Variants in IL34 observed in about 807,000 individuals in gnomAD.
The protein encoded by IL34 is interleukin 34.
A neutral mutation model predicts 25.3 loss-of-function variants in IL34; 17 were observed. The observed-to-expected ratio is 0.67, with a 90% CI of 0.46 to 1.01. The LOEUF is 1.01. IL34 is among the 50% of genes least tolerant of loss of function. The pLI is 0.00. For missense variants in IL34, 368 were observed against 312.9 expected (o/e 1.18, Z -1.33); for synonymous variants, 174 against 140.9 (o/e 1.23, Z -1.66).
intron 1 of IL34, among the ~76,000 whole-genome samples, chr16:70,589,377 C>T (rs1365613932): frequency 6.6e-6 from 1 of 151,988 alleles, no homozygotes; most frequent in Non-Finnish European, 1.5e-5. Flanking sequence ...CTTTTCTGTT[C>T]CTCTCCCTCC....
upstream of IL34, among the ~76,000 whole-genome samples, chr16:70,645,609 C>T (rs957020863): frequency 5.3e-5 from 8 of 152,160 alleles, no homozygotes; most frequent in African/African-American, 1.9e-4. Context: ...GAGCAGCCAC[C>T]AGCCCACAGG....
intron 1 of IL34, among the ~76,000 whole-genome samples, chr16:70,592,383 C>T (rs2050766598): frequency 6.6e-6 from 1 of 152,150 alleles, no homozygotes; most frequent in Non-Finnish European, 1.5e-5. Flanking sequence ...CCTCCTCTCT[C>T]TGCCCATGAG....
At chr16:70,586,518 T>TG (rs1427310042) in intron 1 of IL34, among the ~76,000 whole-genome samples, 1 of 152,144 alleles carries the variant, frequency 6.6e-6, no homozygotes, top group Non-Finnish European at 1.5e-5. Flanking sequence ...TTCGCGCCAC[T>TG]GCACTCCAGC....
Position 70,656,668 on chromosome 16 carries a change from GT to G in IL34, c.230del (p.Val77AlafsTer9). The G allele has an allele frequency of 7.3e-7, 1 of 1,378,396 alleles. No homozygotes were observed. The highest frequency in any genetic ancestry group is 1.0e-6 in the Non-Finnish European group (1 of 964,730). 85.4% of individuals were successfully genotyped at this position (1,378,396 alleles called of 1,614,324 possible). On this transcript the variant is annotated frameshift_variant, in exon 3 of 6. Coordinates refer to ENST00000288098, the MANE Select transcript of IL34 (RefSeq NM_001393494.1). LOFTEE classifies it high-confidence loss of function. ...CGAGGGGGTGTTCAGAATCGCCAAC[GT>G]CACCAGGCTGGTGAGAATCCCTTCC... is the stretch of plus-strand genomic sequence containing the variant. ...PYEGVFRIANVTRLQRAQVSE... is the reference protein window; with the variant it reads ...PYEGVFRIANXTRLQRAQVSE...
chr16:70,625,713 C>T (rs535139544), intron 1 of IL34, among the ~76,000 whole-genome samples: 216 of 151,934 alleles, frequency 1.4e-3, no homozygotes, highest in South Asian at 3.7e-3. Flanking sequence ...TTGGGTCCAC[C>T]GATAAAACGT....
intron 1 of IL34, among the ~76,000 whole-genome samples, chr16:70,618,923 C>T (rs1023649153): frequency 3.3e-5 from 5 of 151,992 alleles, no homozygotes; most frequent in South Asian, 2.1e-4. Context: ...CTGGGATTAA[C>T]GGTGCAAAGG....
chr16:70,660,106 C>G lies in IL34; in HGVS notation c.648C>G (p.Pro216=). 2.5e-6 allele frequency: 4 copies of G among 1,613,480 alleles called. No homozygotes were observed. The highest frequency in any genetic ancestry group is 3.4e-6 in the Non-Finnish European group (4 of 1,179,832). The change falls in exon 6 of 6, where the codon CCC becomes CCG. Residue 216 remains proline (P), a synonymous_variant. Coordinates refer to ENST00000288098, the MANE Select transcript of IL34 (RefSeq NM_001393494.1). ...CGGCCACCCAGCTGTACCCTCCGCC[C>G]CCGTGGTCCCCCAGCTCCCCGCCTC... The part of the protein sequence containing the change: ...QYAATQLYPP[P]PWSPSSPPHS...
chr16:70,648,353 TGAAACCAGGCTGGGCAGCATAGCGA>T (rs1343237080), intron 1 of IL34, among the ~76,000 whole-genome samples: 1 of 151,854 alleles, frequency 6.6e-6, no homozygotes, highest in African/African-American at 2.4e-5. Context: ...GCCAGGAGTT[TGAAACCAGGCTGGGCAGCATAGCGA>T]GACTCCATCT....
chr16:70,641,549 C>A, intron 1 of IL34, among the ~76,000 whole-genome samples: 1 of 143,694 alleles, frequency 7.0e-6, no homozygotes, highest in Non-Finnish European at 1.5e-5. Context: ...TCCTTCCTTC[C>A]TTCCTGCCTT....
At chr16:70,633,694 C>G (rs773455774) in intron 1 of IL34, among the ~76,000 whole-genome samples, 2 of 152,106 alleles carry the variant, frequency 1.3e-5, no homozygotes, top group Non-Finnish European at 2.9e-5. Flanking sequence ...GCTAGAAATC[C>G]AAGATCAAGG....
intron 1 of IL34, among the ~76,000 whole-genome samples, chr16:70,651,873 C>T (rs1166986873): frequency 6.6e-6 from 1 of 152,048 alleles, no homozygotes; most frequent in Non-Finnish European, 1.5e-5. Flanking sequence ...TGCCTGTAAT[C>T]CCAGCACTTT....
At chr16:70,626,112 G>A (rs1392623925) in intron 1 of IL34, among the ~76,000 whole-genome samples, 1 of 152,216 alleles carries the variant, frequency 6.6e-6, no homozygotes, top group Non-Finnish European at 1.5e-5. Context: ...TCCAAAAAGA[G>A]AGTCAGCCTG....
At chr16:70,629,110 C>G (rs1463355555) in intron 1 of IL34, among the ~76,000 whole-genome samples, 2 of 152,148 alleles carry the variant, frequency 1.3e-5, no homozygotes, top group African/African-American at 2.4e-5. Flanking sequence ...TGTTGATTCT[C>G]TTGGATGTTC....
At chr16:70,604,532 G>A (rs1444903693) in intron 1 of IL34, among the ~76,000 whole-genome samples, 14 of 152,214 alleles carry the variant, frequency 9.2e-5, no homozygotes. Context: ...CCCATCCTCT[G>A]TCTGCCAACA....
intron 1 of IL34, among the ~76,000 whole-genome samples, chr16:70,584,328 G>C (rs530254234): frequency 6.6e-6 from 1 of 152,168 alleles, no homozygotes; most frequent in African/African-American, 2.4e-5. Context: ...GGACAGCTCC[G>C]TCTGTGCATC....
At position 70,656,688 on chromosome 16, in the gene IL34, C is replaced by T. The variant is rs776035506; in HGVS notation, c.240+9C>T. The T allele has an allele frequency of 7.9e-7, 1 of 1,269,374 alleles. No homozygotes were observed. The highest frequency in any genetic ancestry group is 1.9e-4 in the Middle Eastern group (1 of 5,384). 78.6% of individuals were successfully genotyped at this position (1,269,374 alleles called of 1,614,324 possible). ...CCAACGTCACCAGGCTGGTGAGAAT[C>T]CCTTCCTGGGCTGGGGGGACCCTGC... On this transcript the variant is annotated intron_variant, in intron 3 of 5. Coordinates refer to ENST00000288098, the MANE Select transcript of IL34 (RefSeq NM_001393494.1).
intron 1 of IL34, among the ~76,000 whole-genome samples, chr16:70,639,141 C>A (rs1271937691): frequency 6.6e-6 from 1 of 152,206 alleles, no homozygotes; most frequent in Non-Finnish European, 1.5e-5. Context: ...TGGCACTGAG[C>A]TTTCCAGATG....
chr16:70,620,698 C>T (rs1274843027), intron 1 of IL34, among the ~76,000 whole-genome samples: 1 of 150,030 alleles, frequency 6.7e-6, no homozygotes, highest in Non-Finnish European at 1.5e-5. Context: ...CTCAGACCTT[C>T]TGCGTATTTT....
At chr16:70,645,284 T>C (rs2051900047), upstream of IL34, among the ~76,000 whole-genome samples, 2 of 152,144 alleles carry the variant, frequency 1.3e-5, no homozygotes, top group African/African-American at 4.8e-5. Flanking sequence ...CCGTGTTCTC[T>C]CTATAAGGCC....
Sources: gnomAD v4.1 joint callset for allele counts (sites outside exome capture counted in the v4.1 genomes callset) on GRCh38, gnomAD v4.1.1 for gene constraint, MANE v1.5 for transcripts, NCBI Gene and HGNC (gene_info 2026-07-23, HGNC 2026-07-21) for gene names.